ZNF439: variants seen among roughly 807,000 people sequenced by gnomAD.
ZNF439 encodes zinc finger protein 439.
In ZNF439, 40 loss-of-function variants were observed where a neutral mutation model predicts 47.3. The observed-to-expected ratio is 0.85, with a 90% CI of 0.66 to 1.10. ZNF439 has a LOEUF of 1.10. Ranked by LOEUF, ZNF439 falls within the 50% of genes least tolerant of loss-of-function variation. ZNF439 has a pLI of 0.00. For synonymous variants in ZNF439, 171 were observed against 198.8 expected (o/e 0.86, Z 1.18); for missense variants, 556 against 601.1 (o/e 0.93, Z 0.78).
At chr19:11,859,418 C>T (rs1006052540) in intron 1 of ZNF439, among the ~76,000 whole-genome samples, 1 of 152,214 alleles carries the variant, frequency 6.6e-6, no homozygotes, top group African/African-American at 2.4e-5. Flanking sequence ...TCTGTCTAGC[C>T]TGGTCTGCAC....
intron 1 of ZNF439, chr19:11,857,225 CT>C (rs1182904083): frequency 6.6e-6 from 1 of 152,112 alleles, no homozygotes; most frequent in Admixed American, 6.6e-5. Flanking sequence ...AATTGTAAAA[CT>C]TTGTCCGATG....
chr19:11,855,257 G>C (rs1046768578), intron 1 of ZNF439, among the ~76,000 whole-genome samples: 1 of 152,156 alleles, frequency 6.6e-6, no homozygotes, highest in Non-Finnish European at 1.5e-5. Context: ...AATCCACAAT[G>C]TCTGCAGTTA....
At position 11,862,900 on chromosome 19, in the gene ZNF439, C is replaced by T. The variant is rs1049937666; in HGVS notation, c.64-3305C>T. On this transcript the variant is annotated intron_variant, in intron 1 of 3. Transcript: ENST00000682736. ...AGTAGCTGGGATTACAGGCATGTAC[C>T]GCCATGCCCAGCCAATTTTTGTATT... 9.2e-5 allele frequency among the ~76,000 whole-genome samples: 14 copies of T among 151,970 alleles called. 1 individual carries two copies. Among genetic ancestry groups the T allele is most frequent in the Admixed American group, 7.2e-4 (11 of 15,266 alleles).
At chr19:11,856,580 T>A (rs772125267) in intron 1 of ZNF439, 5 of 152,252 alleles carry the variant, frequency 3.3e-5, no homozygotes, top group Non-Finnish European at 7.3e-5. Context: ...ATGTGTAACA[T>A]CCATCTGCCA....
At position 11,866,572 on chromosome 19, in the gene ZNF439, T is replaced by C. The variant is rs774871189; in HGVS notation, c.226T>C (p.Tyr76His). The C allele has an allele frequency of 5.0e-6, 8 of 1,613,422 alleles. No homozygotes were observed. Among genetic ancestry groups the C allele is most frequent in the South Asian group, 2.2e-5 (2 of 91,024 alleles). The change falls in exon 3 of 4, where the codon TAC becomes CAC. Residue 76 changes from tyrosine (Y) to histidine (H), a missense_variant. By Grantham distance (83) the Tyr-to-His change is moderately conservative (BLOSUM62 2). Transcript: ENST00000682736. ...KWKDQNIEYE[Y>H]QNPRRNFRSV... ...GAAAGACCAGAACATTGAATATGAG[T>C]ACCAAAACCCCAGGAGAAACTTCAG...
chr19:11,862,469 A>G (rs568763022), intron 1 of ZNF439, among the ~76,000 whole-genome samples: 2 of 151,700 alleles, frequency 1.3e-5, no homozygotes, highest in African/African-American at 4.8e-5. Flanking sequence ...GGCAGTTATG[A>G]GTAAGGCTGC....
chr19:11,866,063 CAG>C (rs751318078), intron 1 of ZNF439, 140 bp from the exon 2 acceptor site: 3 of 1,517,234 alleles, frequency 2.0e-6, no homozygotes, highest in Non-Finnish European at 2.6e-6. Context: ...TAAGTATAGA[CAG>C]AGAGAAAGGG....
intron 1 of ZNF439, chr19:11,856,516 AG>A (rs1420287118): frequency 1.3e-5 from 2 of 152,248 alleles, no homozygotes; most frequent in Admixed American, 1.3e-4. Context: ...GCAGCATATG[AG>A]ATTAAGTGTC....
At chr19:11,849,087 C>T in intron 1 of ZNF439, 157 bp downstream of exon 1, 1 of 1,208,524 alleles carries the variant, frequency 8.3e-7, no homozygotes, top group Non-Finnish European at 1.0e-6. Flanking sequence ...GGTGGGCCGG[C>T]AGCCGGGACT....
intron 1 of ZNF439, among the ~76,000 whole-genome samples, chr19:11,864,541 C>G (rs1000086154): frequency 6.6e-6 from 1 of 152,140 alleles, no homozygotes; most frequent in Non-Finnish European, 1.5e-5. Flanking sequence ...AAGTGAACCA[C>G]CTACCTTGGC....
chr19:11,848,793 T>C lies in ZNF439; in HGVS notation c.-75T>C. ...CCTTTGTCGCTGCGAGGGCGGCGGT[T>C]GGGATCTGGCCTTTCCAGCCCCGAG... On this transcript the variant is annotated 5_prime_UTR_variant, in exon 1 of 4. Coordinates refer to ENST00000682736, the MANE Select transcript of ZNF439 (RefSeq NM_001348719.2). The C allele has an allele frequency of 7.1e-7, 1 of 1,400,406 alleles. No individual in the cohort carries two copies. The highest frequency in any genetic ancestry group is 9.4e-7 in the Non-Finnish European group (1 of 1,058,256). The allele number at this position is 1,400,406 out of a possible 1,614,324, so 86.7% of individuals were successfully genotyped here.
intron 1 of ZNF439, chr19:11,849,231 C>A (rs1402498191): frequency 1.2e-5 from 13 of 1,040,112 alleles, no homozygotes; most frequent in Non-Finnish European, 1.5e-5. Flanking sequence ...GATTTCGACT[C>A]GGGTGTGGAT....
chr19:11,857,935 T>C (rs1477679404), intron 1 of ZNF439: 1 of 152,202 alleles, frequency 6.6e-6, no homozygotes, highest in Non-Finnish European at 1.5e-5. Context: ...AGATTTGATC[T>C]GTAGGAGTGG....
chr19:11,852,346 A>T (rs960984993), intron 1 of ZNF439, among the ~76,000 whole-genome samples: 3 of 152,236 alleles, frequency 2.0e-5, no homozygotes, highest in Non-Finnish European at 4.4e-5. Flanking sequence ...AACATTTTAT[A>T]AAACAGTATA....
chr19:11,866,107 G>C (rs1309848862), intron 1 of ZNF439, 98 bp from the exon 2 acceptor site: 2 of 1,571,704 alleles, frequency 1.3e-6, no homozygotes, highest in Non-Finnish European at 1.7e-6. Flanking sequence ...ATAAATGTTT[G>C]GAGTCCACGG....
At chr19:11,859,549 C>G (rs567250953) in intron 1 of ZNF439, among the ~76,000 whole-genome samples, 5 of 152,274 alleles carry the variant, frequency 3.3e-5, no homozygotes, top group African/African-American at 1.2e-4. Flanking sequence ...TCTGGTAATC[C>G]TAAAGTAAAT....
At chr19:11,852,245 A>AC (rs1036194504) in intron 1 of ZNF439, among the ~76,000 whole-genome samples, 4 of 151,946 alleles carry the variant, frequency 2.6e-5, no homozygotes, top group Non-Finnish European at 4.4e-5. Context: ...ACATAGTGAG[A>AC]CCCCCCATCT....
At position 11,869,354 on chromosome 19, in the gene ZNF439, A is replaced by G. The variant is rs1976806791; in HGVS notation, c.*785A>G. 1 of 160,824 alleles carries G rather than the reference A, an allele frequency of 6.2e-6. No homozygotes were observed. Among genetic ancestry groups the G allele is most frequent in the Non-Finnish European group, 1.4e-5 (1 of 70,352 alleles). The allele number at this position is 160,824 out of a possible 1,614,324, so 10.0% of individuals were successfully genotyped here. A position where few individuals can be genotyped will look rare whatever the true frequency, so the allele number is the denominator to read the frequency against. On this transcript the variant is annotated 3_prime_UTR_variant, in exon 4 of 4. Coordinates refer to ENST00000682736, the MANE Select transcript of ZNF439 (RefSeq NM_001348719.2). ...GTATGGGAAAGCCTTCAGATCGGCT[A>G]GGATTCTTTGAATACAAATAATGAA...
intron 1 of ZNF439, among the ~76,000 whole-genome samples, chr19:11,854,742 G>A (rs1976338948): frequency 6.6e-6 from 1 of 151,668 alleles, no homozygotes; most frequent in Non-Finnish European, 1.5e-5. Context: ...TGGCAACAGA[G>A]CAAGGCTCTG....
Sources: allele counts gnomAD v4.1 joint callset (sites outside exome capture counted in the v4.1 genomes callset), GRCh38; gene constraint gnomAD v4.1.1; transcripts MANE v1.5; gene names NCBI Gene and HGNC (gene_info 2026-07-23, HGNC 2026-07-21).